TWIST2: variants seen among roughly 807,000 people sequenced by gnomAD.
TWIST2 encodes the protein twist family bHLH transcription factor 2.
A neutral mutation model predicts 11.6 loss-of-function variants in TWIST2; 1 was observed. That is an observed-to-expected ratio of 0.09 (90% CI 0.03 to 0.41). TWIST2 has a LOEUF of 0.41. TWIST2 is among the 10% of genes least tolerant of loss of function. The pLI is 0.98. For missense variants in TWIST2, 168 were observed against 226.4 expected, an observed-to-expected ratio of 0.74 and a Z score of 1.66; for synonymous variants, 87 against 96.6, an observed-to-expected ratio of 0.90 and a Z score of 0.58.
chr2:238,893,604 C>G lies in TWIST2; in HGVS notation c.*36-16238C>G, dbSNP rs989869615. Among the ~76,000 whole-genome samples, 4 of 152,296 alleles carry G rather than the reference C, an allele frequency of 2.6e-5. 1 individual carries two copies. The East Asian group carries it at 7.8e-4, about 30-fold the overall frequency. On this transcript the variant is annotated intron_variant, in intron 1 of 1. Transcript: ENST00000612363. ...CAGAGTGGCTTCCTGCCTCTCAAAG[C>G]CTCCGTGTGCTCAGGCTCAGAACCT...
intron 1 of TWIST2, among the ~76,000 whole-genome samples, chr2:238,898,371 G>A (rs1219787024): frequency 2.0e-5 from 3 of 152,214 alleles, no homozygotes; most frequent in South Asian, 2.1e-4. Flanking sequence ...TTGTCAAAGC[G>A]CAGATGTTGA....
At chr2:238,868,312 G>C (rs373783000) in intron 1 of TWIST2, among the ~76,000 whole-genome samples, 39 of 152,322 alleles carry the variant, frequency 2.6e-4, no homozygotes, top group African/African-American at 7.9e-4. Context: ...CTGCCCAAGT[G>C]CCGGGAGCCC....
chr2:238,902,572 ATG>A (rs1208418910), intron 1 of TWIST2, among the ~76,000 whole-genome samples: 8 of 138,080 alleles, frequency 5.8e-5, no homozygotes, highest in Admixed American at 2.2e-4. Flanking sequence ...GGGTTGTGTA[ATG>A]TGAGTTGTGT....
intron 1 of TWIST2, among the ~76,000 whole-genome samples, chr2:238,852,751 G>A (rs1047104365): frequency 2.0e-5 from 3 of 152,152 alleles, no homozygotes; most frequent in African/African-American, 7.2e-5. Context: ...CGATATTGAC[G>A]CCAGTTTCCT....
At chr2:238,848,846 G>C (rs943780398) in intron 1 of TWIST2, 113 bp downstream of exon 1, 6 of 844,342 alleles carry the variant, frequency 7.1e-6, no homozygotes, top group African/African-American at 1.8e-5. Flanking sequence ...GGCCGCGGGG[G>C]CTTGGATGCC....
At chr2:238,870,637 C>T (rs1559274270) in intron 1 of TWIST2, among the ~76,000 whole-genome samples, 4 of 55,188 alleles carry the variant, frequency 7.2e-5, no homozygotes, top group African/African-American at 9.1e-5. Flanking sequence ...CACACCCCCC[C>T]ACACACACAG....
At chr2:238,877,474 A>G (rs1183889573) in intron 1 of TWIST2, among the ~76,000 whole-genome samples, 2 of 152,216 alleles carry the variant, frequency 1.3e-5, no homozygotes, top group African/African-American at 2.4e-5. Flanking sequence ...AACAATTTAG[A>G]CTGAAGGCAA....
rs1255819451 is a variant in TWIST2 at position 238,867,414 on chromosome 2, C to CA, written c.*35+18681_*35+18682insA. Among the ~76,000 whole-genome samples, 10 of 147,552 alleles carry CA rather than the reference C, an allele frequency of 6.8e-5. No homozygotes were observed. Among genetic ancestry groups the CA allele is most frequent in the South Asian group, 2.1e-4 (1 of 4,724 alleles). Reference sequence around the variant, plus strand: ...ACACACACACACACACACACACACTCCTCAGTAAAATACCCAGTTCTCACC... The same window carrying CA: ...ACACACACACACACACACACACACTCACTCAGTAAAATACCCAGTTCTCACC... On this transcript the variant is annotated intron_variant, in intron 1 of 1. Coordinates refer to ENST00000612363, the MANE Select transcript of TWIST2 (RefSeq NM_001271893.4). This position sits in a 1 kb window ranked among gnomAD's most constrained non-coding sequence, Gnocchi z 4.8.
intron 1 of TWIST2, among the ~76,000 whole-genome samples, chr2:238,887,826 A>G (rs1003622778): frequency 6.6e-6 from 1 of 152,194 alleles, no homozygotes; most frequent in Non-Finnish European, 1.5e-5. Context: ...GCCAACCTGA[A>G]TGAGCAAGAA....
Position 238,848,656 on chromosome 2 carries a change from G to A in TWIST2, c.441G>A (p.Val147=). ...AHERLSYAFS[V]WRMEGAWSMS... ...AGCGCCTCAGCTACGCCTTCTCCGT[G>A]TGGCGCATGGAGGGCGCGTGGTCCA... The change falls in exon 1 of 2, where the codon GTG becomes GTA. Residue 147 remains valine (V), a synonymous_variant. Coordinates refer to ENST00000612363, the MANE Select transcript of TWIST2 (RefSeq NM_001271893.4). The A allele has an allele frequency of 6.5e-7, 1 of 1,536,308 alleles. No individual in the cohort carries two copies. Among genetic ancestry groups the A allele is most frequent in the Non-Finnish European group, 8.7e-7 (1 of 1,146,826 alleles).
At position 238,873,424 on chromosome 2, in the gene TWIST2, G is replaced by A. The variant is rs1357627447; in HGVS notation, c.*35+24691G>A. ...AAGAAATGACGCTTGAGCAGAGAATGAATGGAGTGAGGGGTCCTGCCCAGG... is the reference window on the plus strand; with the variant it reads ...AAGAAATGACGCTTGAGCAGAGAATAAATGGAGTGAGGGGTCCTGCCCAGG... On this transcript the variant is annotated intron_variant, in intron 1 of 1. Coordinates refer to ENST00000612363, the MANE Select transcript of TWIST2 (RefSeq NM_001271893.4). Among the ~76,000 whole-genome samples, 6 of 152,316 alleles carry A rather than the reference G, an allele frequency of 3.9e-5. No homozygotes were observed. In the East Asian group the frequency reaches 1.2e-3, roughly 29 times the overall value.
At chr2:238,882,799 TAA>T (rs1207318020) in intron 1 of TWIST2, among the ~76,000 whole-genome samples, 1 of 152,182 alleles carries the variant, frequency 6.6e-6, no homozygotes, top group East Asian at 1.9e-4. Context: ...ATCTTGATTT[TAA>T]AAGTCCTCCA....
At chr2:238,849,221 C>T (rs1265891256) in intron 1 of TWIST2, among the ~76,000 whole-genome samples, 2 of 152,146 alleles carry the variant, frequency 1.3e-5, no homozygotes, top group East Asian at 1.9e-4. Flanking sequence ...GGGTAGAGCG[C>T]GTCCGTCGGG....
chr2:238,893,882 G>A (rs1337879691), intron 1 of TWIST2, among the ~76,000 whole-genome samples: 1 of 152,114 alleles, frequency 6.6e-6, no homozygotes, highest in Admixed American at 6.5e-5. Flanking sequence ...CCTTTACGAC[G>A]CGCCGTCCTC....
intron 1 of TWIST2, among the ~76,000 whole-genome samples, chr2:238,906,560 T>A (rs1021099320): frequency 6.6e-6 from 1 of 151,576 alleles, no homozygotes; most frequent in African/African-American, 2.4e-5. Flanking sequence ...ACGATACACA[T>A]GCTCACACAA....
chr2:238,870,174 C>A (rs1474329463), intron 1 of TWIST2, among the ~76,000 whole-genome samples: 13 of 82,454 alleles, frequency 1.6e-4, no homozygotes, highest in Non-Finnish European at 2.0e-4. Flanking sequence ...ACACCACACA[C>A]CCCACACACA....
chr2:238,897,043 T>C (rs1296472891), intron 1 of TWIST2, among the ~76,000 whole-genome samples: 1 of 152,214 alleles, frequency 6.6e-6, no homozygotes, highest in Non-Finnish European at 1.5e-5. Flanking sequence ...CTCAGAATTC[T>C]AATTGTTTCC....
At chr2:238,885,708 C>T (rs1693022145) in intron 1 of TWIST2, among the ~76,000 whole-genome samples, 1 of 152,198 alleles carries the variant, frequency 6.6e-6, no homozygotes, top group Non-Finnish European at 1.5e-5. Flanking sequence ...GGAGGCTTAT[C>T]AGGATCACAT....
chr2:238,896,235 G>A (rs916391773), intron 1 of TWIST2, among the ~76,000 whole-genome samples: 21 of 152,300 alleles, frequency 1.4e-4, no homozygotes, highest in African/African-American at 4.3e-4. Flanking sequence ...GACGGCGAAC[G>A]CCCCATGTGT....
Sources: allele counts gnomAD v4.1 joint callset (sites outside exome capture counted in the v4.1 genomes callset), GRCh38; gene constraint gnomAD v4.1.1; non-coding constraint Gnocchi (gnomAD v3.1); transcripts MANE v1.5; gene names NCBI Gene and HGNC (gene_info 2026-07-23, HGNC 2026-07-21).